MBTPS2: variants seen among roughly 807,000 people sequenced by gnomAD.
MBTPS2 encodes the protein membrane bound transcription factor peptidase, site 2, also known as membrane-bound transcription factor site-2 protease.
A neutral mutation model predicts 35.4 loss-of-function variants in MBTPS2; 2 were observed. The ratio of observed to expected loss-of-function variants is 0.06; its 90% CI spans 0.02 to 0.18. The LOEUF (loss-of-function observed/expected upper bound fraction) is 0.18, where lower values mean the gene tolerates loss of function less well. Among genes scored for constraint, MBTPS2 ranks in the 10% least tolerant of loss-of-function variants. The pLI is 1.00. For missense variants in MBTPS2, 244 were observed against 386.5 expected, an observed-to-expected ratio of 0.63 and a Z score of 3.09; for synonymous variants, 125 against 140.4, an observed-to-expected ratio of 0.89 and a Z score of 0.77.
intron 3 of MBTPS2, among the ~76,000 whole-genome samples, chrX:21,846,605 G>A (rs1027945418): frequency 1.2e-4 from 14 of 112,132 alleles, no homozygotes; most frequent in Admixed American, 1.0e-3. Flanking sequence ...TCCGACCTCA[G>A]ATGATCCACC....
At chrX:21,874,326 CGT>C (rs559168663) in intron 7 of MBTPS2, among the ~76,000 whole-genome samples, 1 of 102,375 alleles carries the variant, frequency 9.8e-6, no homozygotes, top group Non-Finnish European at 2.0e-5. Context: ...CACCCAGCCT[CGT>C]GTGTGTGTGT....
intron 9 of MBTPS2, 57 bp from the exon 10 acceptor site, chrX:21,880,840 A>G: frequency 3.7e-6 from 3 of 821,249 alleles, no homozygotes; most frequent in Non-Finnish European, 5.5e-6. Flanking sequence ...AGAATTCATA[A>G]TGCTGTTGAT....
chrX:21,884,907 A>G lies in MBTPS2; in HGVS notation c.*2252A>G, dbSNP rs925023979. The G allele has an allele frequency of 1.3e-6, 1 of 751,024 alleles. No individual in the cohort carries two copies. The highest frequency in any genetic ancestry group is 6.8e-5 in the South Asian group (1 of 14,657). 61.9% of individuals were successfully genotyped at this position (751,024 alleles called of 1,213,427 possible). The stretch of plus-strand genomic sequence containing the variant: ...CTTGGAGGGTCTTTGTGTCCCTGGC[A>G]TATTATCATCTTCATGGAAAGAATC... On this transcript the variant is annotated 3_prime_UTR_variant, in exon 11 of 11. Transcript: ENST00000379484.
At chrX:21,872,282 T>G (rs942699253) in intron 7 of MBTPS2, 2 of 112,226 alleles carry the variant, frequency 1.8e-5, no homozygotes, top group Non-Finnish European at 3.8e-5. Context: ...ATTGTTTTAC[T>G]TAGGATATCT....
chrX:21,862,966 AT>A lies in MBTPS2; in HGVS notation c.671-5500del, dbSNP rs1295305217. On this transcript the variant is annotated intron_variant, in intron 5 of 10. Transcript: ENST00000379484. ...TATATATATATATATATATATATAT[AT>A]AAAACCGACTGGGCGCGGTGGCTCA... Among the ~76,000 whole-genome samples the A allele has an allele frequency of 1.2e-4, 8 of 67,052 alleles. No homozygotes were observed. In the East Asian group the frequency reaches 1.6e-3, roughly 14 times the overall value. The allele number at this position is 67,052 out of a possible 115,157, so 58.2% of individuals were successfully genotyped here.
chrX:21,883,862 A>G lies in MBTPS2; in HGVS notation c.*1207A>G, dbSNP rs1476128953. 1.3e-6 allele frequency: 1 copy of G among 751,915 alleles called. No individual in the cohort carries two copies. Among genetic ancestry groups the G allele is most frequent in the African/African-American group, 2.3e-5 (1 of 42,949 alleles). The allele number at this position is 751,915 out of a possible 1,213,427, so 62.0% of individuals were successfully genotyped here. On this transcript the variant is annotated 3_prime_UTR_variant, in exon 11 of 11. Coordinates refer to ENST00000379484, the MANE Select transcript of MBTPS2 (RefSeq NM_015884.4). ...TGCTTTGAGGTCTTTTGGAGTGGAGATGCAGCCCTGGGAAATTTGGGGAGT... is the reference window on the plus strand; with the variant it reads ...TGCTTTGAGGTCTTTTGGAGTGGAGGTGCAGCCCTGGGAAATTTGGGGAGT...
chrX:21,882,695 A>T lies in MBTPS2; in HGVS notation c.*40A>T. Reference sequence around the variant, plus strand: ...TGACAGAATCCCTGAGTTACAGTATACAGCTATGTGGTAATATTCATTGCC... The same window carrying T: ...TGACAGAATCCCTGAGTTACAGTATTCAGCTATGTGGTAATATTCATTGCC... On this transcript the variant is annotated 3_prime_UTR_variant, in exon 11 of 11. Transcript: ENST00000379484. 8.3e-7 allele frequency: 1 copy of T among 1,207,752 alleles called. No individual in the cohort carries two copies. The highest frequency in any genetic ancestry group is 1.1e-6 in the Non-Finnish European group (1 of 892,855).
In MBTPS2 at chrX:21,882,689, C is replaced by T; in HGVS notation, c.*34C>T. On this transcript the variant is annotated 3_prime_UTR_variant, in exon 11 of 11. Transcript: ENST00000379484. ...CTCATCTGACAGAATCCCTGAGTTA[C>T]AGTATACAGCTATGTGGTAATATTC... 1.7e-6 allele frequency: 2 copies of T among 1,206,161 alleles called. No individual in the cohort carries two copies. Among genetic ancestry groups the T allele is most frequent in the South Asian group, 1.8e-5 (1 of 56,811 alleles).
chrX:21,852,276 G>A (rs11797476), intron 4 of MBTPS2, among the ~76,000 whole-genome samples: 2,141 of 111,513 alleles, frequency 0.019, 23 homozygotes, highest in Middle Eastern at 0.032. Flanking sequence ...TGATAATTAC[G>A]GCCATAATTA....
At chrX:21,850,263 G>A (rs995332531) in intron 3 of MBTPS2, among the ~76,000 whole-genome samples, 1 of 111,150 alleles carries the variant, frequency 9.0e-6, no homozygotes, top group African/African-American at 3.3e-5. Context: ...AAATACTCAT[G>A]GGAAGACGTC....
intron 9 of MBTPS2, among the ~76,000 whole-genome samples, chrX:21,880,147 G>T (rs2092957802): frequency 9.3e-6 from 1 of 108,084 alleles, no homozygotes; most frequent in Non-Finnish European, 1.9e-5. Flanking sequence ...TAGAGACAGG[G>T]TTTCACCATA....
rs1399696450 is a variant in MBTPS2 at position 21,883,512 on chromosome X, T to G, written c.*857T>G. Reference sequence around the variant, plus strand: ...TCTTCAGCAGTCCTACTTCCCATTCTCTATAGAGCTTTGAAGCTTGGAACC... The same window carrying G: ...TCTTCAGCAGTCCTACTTCCCATTCGCTATAGAGCTTTGAAGCTTGGAACC... On this transcript the variant is annotated 3_prime_UTR_variant, in exon 11 of 11. Coordinates refer to ENST00000379484, the MANE Select transcript of MBTPS2 (RefSeq NM_015884.4). The G allele has an allele frequency of 1.3e-6, 1 of 751,788 alleles. No individual in the cohort carries two copies. Among genetic ancestry groups the G allele is most frequent in the East Asian group, 1.5e-4 (1 of 6,543 alleles). 62.0% of individuals were successfully genotyped at this position (751,788 alleles called of 1,213,427 possible).
chrX:21,861,069 C>T (rs2092930829), intron 5 of MBTPS2, among the ~76,000 whole-genome samples: 1 of 111,658 alleles, frequency 9.0e-6, no homozygotes, highest in South Asian at 3.7e-4. Flanking sequence ...TAAATAATAG[C>T]ATATACAAAT....
chrX:21,850,530 G>A (rs2092913688), intron 3 of MBTPS2, among the ~76,000 whole-genome samples: 2 of 110,520 alleles, frequency 1.8e-5, no homozygotes, highest in Admixed American at 1.9e-4. Context: ...CCTCCAAAAG[G>A]ATACCTTTTA....
chrX:21,840,257 A>C (rs750107351), intron 1 of MBTPS2, among the ~76,000 whole-genome samples: 1 of 112,892 alleles, frequency 8.9e-6, no homozygotes, highest in South Asian at 3.6e-4. Flanking sequence ...TCAAATTTTT[A>C]AATGCATATG....
Position 21,868,549 on chromosome X carries a change from C to T in MBTPS2, c.753C>T (p.Tyr251=). The change falls in exon 6 of 11, where the codon TAC becomes TAT. Residue 251 remains tyrosine (Y), a synonymous_variant. Transcript: ENST00000379484. ...CAGTAATTCTCTTGCCATTTTACTA[C>T]ACTGGAGTTGGGGTGCTCATCACTG... The part of the protein sequence containing the change: ...LLPVILLPFY[Y]TGVGVLITEV... 8.3e-7 allele frequency: 1 copy of T among 1,208,091 alleles called. No individual in the cohort carries two copies. Among genetic ancestry groups the T allele is most frequent in the Non-Finnish European group, 1.1e-6 (1 of 892,080 alleles).
chrX:21,857,675 A>G lies in MBTPS2; in HGVS notation c.670+4172A>G, dbSNP rs1012506181. 7.7e-6 allele frequency: 8 copies of G among 1,044,581 alleles called. No homozygotes were observed. In the Admixed American group the frequency reaches 2.2e-4, roughly 29 times the overall value. The allele number at this position is 1,044,581 out of a possible 1,213,427, so 86.1% of individuals were successfully genotyped here. On this transcript the variant is annotated intron_variant, in intron 5 of 10. Transcript: ENST00000379484. ...CGGTAGGGAATAAATATGCCTCTCAAAGCTTTGTATGTTGTTTCTAAGAGT... is the reference window on the plus strand; with the variant it reads ...CGGTAGGGAATAAATATGCCTCTCAGAGCTTTGTATGTTGTTTCTAAGAGT...
chrX:21,841,356 G>A (rs1466833964), intron 1 of MBTPS2, among the ~76,000 whole-genome samples: 5 of 79,575 alleles, frequency 6.3e-5, no homozygotes, highest in Non-Finnish European at 1.2e-4. Context: ...GAGAGTCAGA[G>A]GTTAACAATG....
intron 2 of MBTPS2, among the ~76,000 whole-genome samples, chrX:21,844,000 A>G (rs933393388): frequency 1.9e-5 from 2 of 107,427 alleles, no homozygotes; most frequent in African/African-American, 3.4e-5. Flanking sequence ...GGTCCCAGCT[A>G]CTCGGGAGGC....
Sources: gnomAD v4.1 joint callset for allele counts (sites outside exome capture counted in the v4.1 genomes callset) on GRCh38, gnomAD v4.1.1 for gene constraint, MANE v1.5 for transcripts, NCBI Gene and HGNC (gene_info 2026-07-23, HGNC 2026-07-21) for gene names.